Variants in RICTOR observed in about 807,000 individuals in gnomAD.
The protein encoded by RICTOR is RPTOR independent companion of MTOR complex 2.
Under a neutral mutation model 214.9 loss-of-function variants are expected in RICTOR, and 49 were observed. The observed-to-expected ratio is 0.23, with a 90% CI of 0.18 to 0.29. The LOEUF (loss-of-function observed/expected upper bound fraction) is 0.29. RICTOR is among the 10% of genes least tolerant of loss of function. The probability of loss-of-function intolerance (pLI) is 1.00; values close to 1 mark genes in which losing one functional copy is unlikely to be tolerated. For synonymous variants in RICTOR, 717 were observed against 711.3 expected, an observed-to-expected ratio of 1.01 and a Z score of -0.13; for missense variants, 1,625 against 2,047.0, an observed-to-expected ratio of 0.79 and a Z score of 3.98.
rs76508963 is a variant in RICTOR, at chr5:39,048,370, G to A, written c.97+25741C>T. Among the ~76,000 whole-genome samples, 861 of 152,324 alleles carry A rather than the reference G, an allele frequency of 5.7e-3. 8 individuals carry two copies. Among genetic ancestry groups the A allele is most frequent in the African/African-American group, 0.02 (824 of 41,566 alleles). ...TTGGGAGATTCTGTAAACTGGTAAG[G>A]TGGCTCACTGGACCTAAACTGTTTA... On this transcript the variant is annotated intron_variant, in intron 2 of 37. Coordinates refer to ENST00000357387, the MANE Select transcript of RICTOR (RefSeq NM_152756.5).
intron 2 of RICTOR, among the ~76,000 whole-genome samples, chr5:39,071,858 T>C (rs896822854): frequency 6.6e-6 from 1 of 152,240 alleles, no homozygotes; most frequent in African/African-American, 2.4e-5. Context: ...AAAAAAATTT[T>C]TGGTTGCCCA....
At chr5:38,947,875 T>C (rs1003603143) in intron 31 of RICTOR, among the ~76,000 whole-genome samples, 8 of 152,272 alleles carry the variant, frequency 5.3e-5, no homozygotes, top group Admixed American at 6.5e-5. Flanking sequence ...ATGAGATCAA[T>C]TACATATCAT....
At chr5:39,041,264 G>A (rs552876570) in intron 2 of RICTOR, among the ~76,000 whole-genome samples, 1 of 152,194 alleles carries the variant, frequency 6.6e-6, no homozygotes, top group South Asian at 2.1e-4. Context: ...AAAAAACAAG[G>A]TACTTTTCTC....
rs946809768 is a variant in RICTOR at position 38,946,480 on chromosome 5, G to T, written c.4387C>A (p.His1463Asn). ...CACAATGCATTACCTCCTGCATCAT[G>T]GGCAAATGCTCTTGCACCTCGATCA... ...HDDRGARAFA[H>N]DAGGLPSGTG... Residue 1463 changes from histidine (H) to asparagine (N), a missense_variant, in exon 33 of 38, where the codon CAT becomes AAT. Physicochemically the swap from His to Asn is moderately conservative, Grantham distance 68. This residue lies in a region of RICTOR where 1,214 missense variants were observed against 1,470.5 expected (regional missense o/e 0.83). Coordinates refer to ENST00000357387, the MANE Select transcript of RICTOR (RefSeq NM_152756.5). 6.2e-7 allele frequency: 1 copy of T among 1,606,940 alleles called. No individual in the cohort carries two copies. The highest frequency in any genetic ancestry group is 1.1e-5 in the South Asian group (1 of 90,958).
chr5:38,972,477 C>T (rs1750867389), intron 10 of RICTOR, among the ~76,000 whole-genome samples: 2 of 152,126 alleles, frequency 1.3e-5, no homozygotes, highest in African/African-American at 4.8e-5. Context: ...TCACAAAAGA[C>T]GTATGAATAG....
intron 2 of RICTOR, among the ~76,000 whole-genome samples, chr5:39,065,449 T>A (rs1206503137): frequency 1.3e-5 from 2 of 152,172 alleles, no homozygotes; most frequent in Non-Finnish European, 2.9e-5. Flanking sequence ...ACTGTATCAT[T>A]CTGCCCACGG....
intron 2 of RICTOR, among the ~76,000 whole-genome samples, chr5:39,042,060 T>C (rs1407724044): frequency 6.6e-6 from 1 of 151,696 alleles, no homozygotes; most frequent in Non-Finnish European, 1.5e-5. Flanking sequence ...ACCATAGAAA[T>C]ACCAATTCCA....
chr5:39,067,830 C>A (rs1347110495), intron 2 of RICTOR, among the ~76,000 whole-genome samples: 1 of 152,186 alleles, frequency 6.6e-6, no homozygotes, highest in Admixed American at 6.5e-5. Context: ...TCTTAAAGTA[C>A]TCTTTTCCTT....
At chr5:39,013,393 T>A (rs775718466) in intron 3 of RICTOR, among the ~76,000 whole-genome samples, 5 of 152,106 alleles carry the variant, frequency 3.3e-5, no homozygotes, top group Non-Finnish European at 1.5e-5. Flanking sequence ...TAAATCTACA[T>A]GACTTTCTTA....
chr5:38,995,044 A>G (rs1004386001), intron 6 of RICTOR, among the ~76,000 whole-genome samples: 3 of 152,216 alleles, frequency 2.0e-5, no homozygotes, highest in Admixed American at 6.5e-5. Context: ...CTGAATGCAG[A>G]AGCAAATATG....
chr5:38,958,501 T>G lies in RICTOR; in HGVS notation c.2362A>C (p.Ile788Leu). 1 of 1,612,434 alleles carries G rather than the reference T, an allele frequency of 6.2e-7. No individual in the cohort carries two copies. ...CEDKANLHAL[I>L]QMKPALSHLG... ...TGGGATAACGCTGGTTTCATCTGAA[T>G]GAGAGCATGAAGATTGGCCTAAAAG... The change falls in exon 24 of 38, where the codon ATT becomes CTT. Residue 788 changes from isoleucine to leucine, a missense_variant. Coordinates refer to ENST00000357387, the MANE Select transcript of RICTOR (RefSeq NM_152756.5).
At position 39,072,175 on chromosome 5, in the gene RICTOR, T is replaced by C. The variant is rs572052321; in HGVS notation, c.97+1936A>G. Among the ~76,000 whole-genome samples, 15 of 152,336 alleles carry C rather than the reference T, an allele frequency of 9.8e-5. No individual in the cohort carries two copies. In the East Asian group the frequency reaches 2.7e-3, roughly 27 times the overall value. ...TGGCTGTGTATACTTTATTCCAAAC[T>C]GAAGTACATTTTGTCAGGGCAAGCC... On this transcript the variant is annotated intron_variant, in intron 2 of 37. Coordinates refer to ENST00000357387, the MANE Select transcript of RICTOR (RefSeq NM_152756.5).
At chr5:39,030,866 C>A (rs1401558138) in intron 2 of RICTOR, among the ~76,000 whole-genome samples, 1 of 152,070 alleles carries the variant, frequency 6.6e-6, no homozygotes, top group East Asian at 1.9e-4. Flanking sequence ...TGTACCAATT[C>A]CAGTAAGTAT....
intron 35 of RICTOR, 21 bp from the exon 36 acceptor site, chr5:38,944,590 A>C: frequency 6.4e-7 from 1 of 1,562,416 alleles, no homozygotes; most frequent in Non-Finnish European, 8.7e-7. Context: ...TTCAGGGAGA[A>C]GTTAAATATT....
At chr5:38,944,349 T>C in intron 36 of RICTOR, 97 bp downstream of exon 36, 2 of 1,249,918 alleles carry the variant, frequency 1.6e-6, no homozygotes, top group South Asian at 1.3e-5. Context: ...ACTACTGATG[T>C]AAGTTAACTA....
In RICTOR at chr5:39,015,811, T is replaced by C. The variant is rs545430068; in HGVS notation, c.195+5228A>G. Among the ~76,000 whole-genome samples the C allele has an allele frequency of 6.2e-4, 95 of 152,180 alleles. 1 individual carries two copies. The highest frequency in any genetic ancestry group is 1.8e-4 in the Non-Finnish European group (12 of 68,008). On this transcript the variant is annotated intron_variant, in intron 3 of 37. Coordinates refer to ENST00000357387, the MANE Select transcript of RICTOR (RefSeq NM_152756.5). Reference sequence around the variant, plus strand: ...CAAACATGAGGTTGAATCAAGGCACTACCTATTACAGAGCACATATTATGT... The same window carrying C: ...CAAACATGAGGTTGAATCAAGGCACCACCTATTACAGAGCACATATTATGT...
chr5:38,983,620 A>C (rs1022079375), intron 7 of RICTOR, among the ~76,000 whole-genome samples: 5 of 152,228 alleles, frequency 3.3e-5, no homozygotes, highest in Non-Finnish European at 4.4e-5. Flanking sequence ...GTATCTAGGC[A>C]TATGTGTATC....
chr5:39,032,005 T>C (rs1224191886), intron 2 of RICTOR, among the ~76,000 whole-genome samples: 1 of 152,196 alleles, frequency 6.6e-6, no homozygotes, highest in African/African-American at 2.4e-5. Context: ...TTTCCTGAAA[T>C]TCTAACAATT....
At position 38,978,658 on chromosome 5, in the gene RICTOR, A is replaced by T. The variant is rs2150055274; in HGVS notation, c.754-8T>A. The T allele has an allele frequency of 7.4e-7, 1 of 1,344,196 alleles. No homozygotes were observed. The highest frequency in any genetic ancestry group is 1.0e-6 in the Non-Finnish European group (1 of 965,462). 83.3% of individuals were successfully genotyped at this position (1,344,196 alleles called of 1,614,324 possible). A position where few individuals can be genotyped will look rare whatever the true frequency, so the allele number is the denominator to read the frequency against. On this transcript the variant is annotated splice_region_variant and splice_polypyrimidine_tract_variant and intron_variant, in intron 8 of 37. Transcript: ENST00000357387. ...ATAGGGTGCTAAAATTCTCTATTTA[A>T]AAAAAAAAAGGAAGAAAAGAGTCTT... is the stretch of plus-strand genomic sequence containing the variant.
Sources: allele counts gnomAD v4.1 joint callset (sites outside exome capture counted in the v4.1 genomes callset), GRCh38; gene constraint gnomAD v4.1.1; regional missense constraint gnomAD v4.1.1; transcripts MANE v1.5; gene names NCBI Gene and HGNC (gene_info 2026-07-23, HGNC 2026-07-21).